The following LAIR1 variants were observed in gnomAD, a reference collection of about 807,000 sequenced individuals.
LAIR1 encodes the protein leukocyte associated immunoglobulin like receptor 1, also known as leukocyte-associated immunoglobulin-like receptor 1.
In LAIR1, 24 loss-of-function variants were observed where a neutral mutation model predicts 32.8. That is an observed-to-expected ratio of 0.73 (90% CI 0.53 to 1.03). The LOEUF (loss-of-function observed/expected upper bound fraction) is 1.03. Ranked by LOEUF, LAIR1 falls within the 50% of genes least tolerant of loss-of-function variation. The pLI is 0.00. For missense variants in LAIR1, 355 were observed against 347.5 expected (o/e 1.02, Z -0.17); for synonymous variants, 150 against 140.5 (o/e 1.07, Z -0.48).
rs572702353 is a variant in LAIR1, at chr19:54,355,857, G to A, written c.717+97C>T. The A allele has an allele frequency of 1.3e-5, 11 of 858,254 alleles. No homozygotes were observed. Among genetic ancestry groups the A allele is most frequent in the South Asian group, 4.1e-5 (3 of 73,448 alleles). 53.2% of individuals were successfully genotyped at this position (858,254 alleles called of 1,614,324 possible). On this transcript the variant is annotated intron_variant, in intron 9 of 9. Coordinates refer to ENST00000391742, the MANE Select transcript of LAIR1 (RefSeq NM_002287.6). This position sits in a 1 kb window ranked among gnomAD's most constrained non-coding sequence, Gnocchi z 4.7. Reference sequence around the variant, plus strand: ...TCAGGACAGGCCGTGAGCCGGAACCGCCCAGCTGAGCCACTCCTGAATTCC... The same window carrying A: ...TCAGGACAGGCCGTGAGCCGGAACCACCCAGCTGAGCCACTCCTGAATTCC...
At position 54,356,224 on chromosome 19, in the gene LAIR1, C is replaced by A; in HGVS notation, c.664+6G>T. 6.2e-7 allele frequency: 1 copy of A among 1,613,118 alleles called. No homozygotes were observed. Among genetic ancestry groups the A allele is most frequent in the Non-Finnish European group, 8.5e-7 (1 of 1,179,568 alleles). On this transcript the variant is annotated splice_donor_region_variant and intron_variant, in intron 8 of 9. Coordinates refer to ENST00000391742, the MANE Select transcript of LAIR1 (RefSeq NM_002287.6). ...CCCAGGCCTGTCCCTCCTCCTCCCC[C>A]TTTACCTGCTGTCCTCTCTAGAACA...
At chr19:54,367,383 T>A (rs1320522563), upstream of LAIR1, among the ~76,000 whole-genome samples, 3 of 152,136 alleles carry the variant, frequency 2.0e-5, no homozygotes, top group African/African-American at 7.2e-5. Context: ...TTTCTGTGAG[T>A]CCATAAGACA....
intron 2 of LAIR1, among the ~76,000 whole-genome samples, chr19:54,363,837 T>C (rs571396715): frequency 3.3e-5 from 5 of 152,288 alleles, no homozygotes; most frequent in Admixed American, 3.3e-4. Flanking sequence ...ATACAAAGTT[T>C]CGAGTAGCCA....
Position 54,364,573 on chromosome 19 carries a change from C to T in LAIR1, c.34+198G>A, listed in dbSNP as rs2082174230. The T allele has an allele frequency of 6.3e-6, 5 of 794,322 alleles. No homozygotes were observed. Among genetic ancestry groups the T allele is most frequent in the Non-Finnish European group, 8.8e-6 (4 of 453,102 alleles). 49.2% of individuals were successfully genotyped at this position (794,322 alleles called of 1,614,324 possible). A position where few individuals can be genotyped will look rare whatever the true frequency, so the allele number is the denominator to read the frequency against. ...CAGCCCTTCTTAAAGCTGACCTCAT[C>T]CCCACACCCGGGCCCCTGTTTTTAG... On this transcript the variant is annotated intron_variant, in intron 1 of 9. Coordinates refer to ENST00000391742, the MANE Select transcript of LAIR1 (RefSeq NM_002287.6). This position sits in a 1 kb window ranked among gnomAD's most constrained non-coding sequence, Gnocchi z 4.8.
At chr19:54,356,661 T>G in intron 5 of LAIR1, 42 bp from the exon 6 acceptor site, 1 of 1,595,632 alleles carries the variant, frequency 6.3e-7, no homozygotes, top group Non-Finnish European at 8.6e-7. Context: ...GTGCATTTAT[T>G]GAGCACCTAC....
At chr19:54,365,984 C>A (rs556213996), upstream of LAIR1, among the ~76,000 whole-genome samples, 19 of 152,174 alleles carry the variant, frequency 1.2e-4, no homozygotes, top group Admixed American at 2.0e-4. Flanking sequence ...ACAACACGGA[C>A]GAAACCTGAG....
rs757441161 is a variant in LAIR1 at position 54,364,842 on chromosome 19, A to G, written c.-38T>C. ...AGCAGTGCAGCCTGGCCTGAGGCGC[A>G]CCAATGCAAGGACAGAACTCTGCAG... On this transcript the variant is annotated 5_prime_UTR_variant, in exon 1 of 10. Transcript: ENST00000391742. This position sits in a 1 kb window ranked among gnomAD's most constrained non-coding sequence, Gnocchi z 4.8. The G allele has an allele frequency of 5.6e-6, 9 of 1,614,052 alleles. No individual in the cohort carries two copies. The highest frequency in any genetic ancestry group is 7.6e-6 in the Non-Finnish European group (9 of 1,179,954).
At chr19:54,369,405 G>A (rs575201975), upstream of LAIR1, among the ~76,000 whole-genome samples, 15 of 151,480 alleles carry the variant, frequency 9.9e-5, no homozygotes, top group South Asian at 1.7e-3. Flanking sequence ...TGGCAGAATC[G>A]ACATCCGTCT....
At chr19:54,375,506 A>G (rs527315367), upstream of LAIR1, among the ~76,000 whole-genome samples, 4 of 152,306 alleles carry the variant, frequency 2.6e-5, no homozygotes, top group South Asian at 8.3e-4. Context: ...CTCCTTGGAC[A>G]TCATCATCCA....
upstream of LAIR1, among the ~76,000 whole-genome samples, chr19:54,368,964 G>A (rs1414320822): frequency 6.6e-6 from 1 of 151,214 alleles, no homozygotes; most frequent in Non-Finnish European, 1.5e-5. Flanking sequence ...TGAGATTACA[G>A]GCGTGAGCCA....
At chr19:54,375,122 C>T (rs138888883), upstream of LAIR1, among the ~76,000 whole-genome samples, 479 of 152,342 alleles carry the variant, frequency 3.1e-3, 1 homozygote, top group African/African-American at 9.5e-3. Flanking sequence ...GCCTGGGCTG[C>T]GAAGCCTGAG....
chr19:54,356,770 T>C, intron 5 of LAIR1, 151 bp from the exon 6 acceptor site: 1 of 1,167,750 alleles, frequency 8.6e-7, no homozygotes. Context: ...CGTTATCCCC[T>C]TCTTCCACCA....
upstream of LAIR1, chr19:54,368,416 T>C (rs1387795755): frequency 6.6e-6 from 1 of 152,220 alleles, no homozygotes; most frequent in African/African-American, 2.4e-5. Flanking sequence ...TGCTTCTGAC[T>C]CTTCTTTTAC....
chr19:54,365,000 G>A (rs1031703651), upstream of LAIR1: 3 of 1,447,126 alleles, frequency 2.1e-6, no homozygotes, highest in African/African-American at 4.3e-5. The surrounding 1 kb of genome is among the most constrained non-coding windows in gnomAD (Gnocchi z 4.8). Context: ...ACGAGAGGGA[G>A]GGCCTTGGTT....
the LAIR1 span, among the ~76,000 whole-genome samples, chr19:54,375,873 C>T: frequency 6.6e-5 from 10 of 151,762 alleles, no homozygotes; most frequent in African/African-American, 1.2e-4. Flanking sequence ...GCATATTAAC[C>T]GTAGATTTTA....
intron 3 of LAIR1, 185 bp downstream of exon 3, chr19:54,360,731 G>C: frequency 1.6e-6 from 1 of 610,004 alleles, no homozygotes; most frequent in Admixed American, 2.9e-5. Flanking sequence ...AGGGCTCCAG[G>C]AACCTAAGCA....
rs544059904 is a variant in LAIR1, at chr19:54,351,551, A to G, written c.*3717T>C. On this transcript the variant is annotated 3_prime_UTR_variant, in exon 10 of 10. Coordinates refer to ENST00000391742, the MANE Select transcript of LAIR1 (RefSeq NM_002287.6). ...TAAGGTGTAGAATTTTACACTCATC[A>G]CAGAAAGTTTTCAGAGACTAACTGG... The G allele has an allele frequency of 1.3e-5, 2 of 152,302 alleles. No individual in the cohort carries two copies. The highest frequency in any genetic ancestry group is 4.1e-4 in the South Asian group (2 of 4,826). The allele number at this position is 152,302 out of a possible 1,614,324, so 9.4% of individuals were successfully genotyped here. A position where few individuals can be genotyped will look rare whatever the true frequency, so the allele number is the denominator to read the frequency against.
At chr19:54,375,574 G>C in the LAIR1 span, among the ~76,000 whole-genome samples, 1 of 152,174 alleles carries the variant, frequency 6.6e-6, no homozygotes, top group Admixed American at 6.5e-5. Flanking sequence ...GGGCAACCAC[G>C]GCTGTGGGGT....
chr19:54,356,153 C>T (rs1318753974), intron 8 of LAIR1, 77 bp downstream of exon 8: 2 of 1,391,606 alleles, frequency 1.4e-6, no homozygotes, highest in Non-Finnish European at 1.0e-6. Context: ...CTTCCCCCCA[C>T]CCCCCACATT....
Sources: allele counts gnomAD v4.1 joint callset (sites outside exome capture counted in the v4.1 genomes callset), GRCh38; gene constraint gnomAD v4.1.1; non-coding constraint Gnocchi (gnomAD v3.1); transcripts MANE v1.5; gene names NCBI Gene and HGNC (gene_info 2026-07-23, HGNC 2026-07-21).